Variants in DENND2B observed in about 807,000 individuals in gnomAD.
DENND2B encodes the protein DENN domain-containing protein 2B.
In DENND2B, 32 loss-of-function variants were observed where a neutral mutation model predicts 116.0. That is an observed-to-expected ratio of 0.28 (90% confidence interval 0.21 to 0.37). The LOEUF is 0.37. Ranked by LOEUF, DENND2B falls within the 10% of genes least tolerant of loss-of-function variation. DENND2B has a pLI of 1.00. For missense variants in DENND2B, 1,276 were observed against 1,477.7 expected, an observed-to-expected ratio of 0.86 and a Z score of 2.24; for synonymous variants, 588 against 583.9, an observed-to-expected ratio of 1.01 and a Z score of -0.10.
chr11:8,831,971 CA>C (rs2062225742), intron 4 of DENND2B: 2 of 152,046 alleles, frequency 1.3e-5, no homozygotes. Flanking sequence ...CCAGTTATAC[CA>C]AGACCAAGAG....
intron 4 of DENND2B, chr11:8,719,064 C>G: frequency 1.0e-6 from 1 of 985,572 alleles, no homozygotes; most frequent in Non-Finnish European, 1.2e-6. Context: ...CCACTGAGTC[C>G]CACACTTGTT....
At chr11:8,854,394 G>T (rs1594250118) in intron 3 of DENND2B, among the ~76,000 whole-genome samples, 1 of 151,176 alleles carries the variant, frequency 6.6e-6, no homozygotes. Flanking sequence ...TAGAGACAGG[G>T]TTTCACCATG....
Position 8,730,085 on chromosome 11 carries a change from G to A in DENND2B, c.1205C>T (p.Pro402Leu). The change falls in exon 3 of 20, where the codon CCC (proline) becomes CTC (leucine). Residue 402 changes from proline (P) to leucine (L), a missense_variant. Pro to Leu is a moderately conservative substitution (Grantham distance 98). Coordinates refer to ENST00000313726, the MANE Select transcript of DENND2B (RefSeq NM_213618.2). The surrounding 1 kb of genome is among the most constrained non-coding windows in gnomAD (Gnocchi z 4.1). ...TAGACCATTACTGGGCTTACTCTTG[G>A]GGTTCTTGTCAGCCTCGTATTCAAA... ...RTFEYEADKN[P>L]KSKPSNGLPP... is the part of the protein sequence containing the mutation. 2 of 1,614,198 alleles carry A rather than the reference G, an allele frequency of 1.2e-6. No homozygotes were observed. Among genetic ancestry groups the A allele is most frequent in the East Asian group, 4.5e-5 (2 of 44,884 alleles).
chr11:8,896,476 C>A (rs2064103287), intron 1 of DENND2B, among the ~76,000 whole-genome samples: 1 of 152,160 alleles, frequency 6.6e-6, no homozygotes, highest in South Asian at 2.1e-4. Flanking sequence ...AAACTCTACA[C>A]AAGGAACACT....
At chr11:8,903,048 T>C (rs1009873579) in intron 1 of DENND2B, among the ~76,000 whole-genome samples, 3 of 152,144 alleles carry the variant, frequency 2.0e-5, no homozygotes, top group Non-Finnish European at 4.4e-5. Flanking sequence ...TTAGTAGAGA[T>C]GGGGCTTCAC....
intron 1 of DENND2B, among the ~76,000 whole-genome samples, chr11:8,787,723 T>A (rs1217263683): frequency 6.6e-6 from 1 of 152,240 alleles, no homozygotes; most frequent in Non-Finnish European, 1.5e-5. Context: ...TTTGGCCAGG[T>A]AGGCCTTCTT....
At chr11:8,875,897 T>C (rs539104672), upstream of DENND2B, among the ~76,000 whole-genome samples, 1 of 152,284 alleles carries the variant, frequency 6.6e-6, no homozygotes, top group South Asian at 2.1e-4. Context: ...GTAGAAAGCA[T>C]ACGTTGAGTC....
rs869184519 is a variant in DENND2B, at chr11:8,836,437, T to TTC, written c.-115+2872_-115+2873insGA. ...TCTTTTTTTTTTTTTTTTTTTTTTT[T>TTC]CTGAGACGGAGTCTTGCTCTGTCGC... On this transcript the variant is annotated intron_variant, in intron 4 of 6. Coordinates refer to the DENND2B transcript ENST00000524757. 3.5e-5 allele frequency among the ~76,000 whole-genome samples: 4 copies of TTC among 115,610 alleles called. No individual in the cohort carries two copies. The East Asian group carries it at 9.7e-4, about 28-fold the overall frequency. 75.8% of individuals were successfully genotyped at this position (115,610 alleles called of 152,430 possible).
intron 1 of DENND2B, among the ~76,000 whole-genome samples, chr11:8,882,811 GGCCCTGTCTCTAGA>G (rs2063917039): frequency 6.6e-6 from 1 of 151,988 alleles, no homozygotes; most frequent in Admixed American, 6.6e-5. Context: ...AACACAGCAG[GGCCCTGTCTCTAGA>G]AAAAATACAA....
At chr11:8,701,419 ACAC>A (rs1351337404) in intron 14 of DENND2B, among the ~76,000 whole-genome samples, 1 of 148,360 alleles carries the variant, frequency 6.7e-6, no homozygotes, top group Non-Finnish European at 1.5e-5. Flanking sequence ...TGCAAATCAA[ACAC>A]CGCCTCCTCC....
intron 3 of DENND2B, among the ~76,000 whole-genome samples, chr11:8,853,182 G>A (rs1481772688): frequency 6.6e-6 from 1 of 152,062 alleles, no homozygotes; most frequent in African/African-American, 2.4e-5. Flanking sequence ...TGGCCAACAT[G>A]GTAAACCCCG....
intron 2 of DENND2B, among the ~76,000 whole-genome samples, chr11:8,749,816 G>C (rs1285567307): frequency 6.6e-6 from 1 of 152,202 alleles, no homozygotes; most frequent in Non-Finnish European, 1.5e-5. Context: ...AGGGCTATGA[G>C]AGGTACACAG....
intron 4 of DENND2B, among the ~76,000 whole-genome samples, chr11:8,819,317 C>A (rs1469676100): frequency 6.6e-6 from 1 of 152,008 alleles, no homozygotes; most frequent in Non-Finnish European, 1.5e-5. Flanking sequence ...TCACTTGAGC[C>A]TAGCAGGAGG....
chr11:8,799,918 TTTATTATTA>T (rs143632896), intron 1 of DENND2B, among the ~76,000 whole-genome samples: 7,163 of 143,500 alleles, frequency 0.05, 225 homozygotes, highest in East Asian at 0.15. Flanking sequence ...TCACCATGTA[TTTATTATTA>T]TTATTATTAT....
intron 1 of DENND2B, among the ~76,000 whole-genome samples, chr11:8,803,254 G>A (rs796675671): frequency 9.2e-5 from 14 of 152,144 alleles, no homozygotes; most frequent in Admixed American, 3.9e-4. Context: ...GTGTGGTGGC[G>A]CACATCTGTA....
intron 4 of DENND2B, among the ~76,000 whole-genome samples, chr11:8,834,074 A>G (rs1219647230): frequency 2.0e-5 from 3 of 152,230 alleles, no homozygotes; most frequent in African/African-American, 7.2e-5. Flanking sequence ...AAGGACAAAG[A>G]TAAAATCAGC....
At chr11:8,719,206 G>T in intron 4 of DENND2B, 1 of 985,442 alleles carries the variant, frequency 1.0e-6, no homozygotes. Flanking sequence ...AGAGGACACG[G>T]GAGAAGAGCC....
chr11:8,818,461 C>T (rs1037830693), intron 4 of DENND2B, among the ~76,000 whole-genome samples: 1 of 152,040 alleles, frequency 6.6e-6, no homozygotes, highest in African/African-American at 2.4e-5. Flanking sequence ...CAAGAAAATA[C>T]CTTCAGCCTG....
chr11:8,758,568 C>T (rs538242761), intron 1 of DENND2B, among the ~76,000 whole-genome samples: 1 of 152,290 alleles, frequency 6.6e-6, no homozygotes, highest in Non-Finnish European at 1.5e-5. Context: ...CTTGGCCTTC[C>T]TTTTATTTTT....
Sources: gnomAD v4.1 joint callset for allele counts (sites outside exome capture counted in the v4.1 genomes callset) on GRCh38, gnomAD v4.1.1 for gene constraint, Gnocchi (gnomAD v3.1) non-coding constraint, MANE v1.5 for transcripts, NCBI Gene and HGNC (gene_info 2026-07-23, HGNC 2026-07-21) for gene names.